PIGQ: variants seen among roughly 807,000 people sequenced by gnomAD.
The protein encoded by PIGQ is phosphatidylinositol N-acetylglucosaminyltransferase subunit Q.
A neutral mutation model predicts 60.3 loss-of-function variants in PIGQ; 54 were observed. The observed-to-expected ratio is 0.90, with a 90% CI of 0.72 to 1.12. The LOEUF (loss-of-function observed/expected upper bound fraction) is 1.12, where lower values mean the gene tolerates loss of function less well. PIGQ is among the 50% of genes most tolerant of loss of function. The probability of loss-of-function intolerance (pLI) is 0.00; values close to 1 mark genes in which losing one functional copy is unlikely to be tolerated. For synonymous variants in PIGQ, 416 were observed against 363.7 expected (o/e 1.14, Z -1.64); for missense variants, 799 against 793.5 (o/e 1.01, Z -0.08).
At chr16:580,720 C>T (rs762074177) in intron 8 of PIGQ, 138 bp from the exon 9 acceptor site, 1 of 678,186 alleles carries the variant, frequency 1.5e-6, no homozygotes, top group Non-Finnish European at 2.7e-6. Flanking sequence ...ACTCCGTGCC[C>T]TGCTCAGGGT....
intron 10 of PIGQ, 192 bp from the exon 11 acceptor site, chr16:582,691 G>C (rs2035832378): frequency 1.0e-5 from 7 of 675,960 alleles, no homozygotes; most frequent in Middle Eastern, 8.4e-4. Context: ...TGCAGCTTCT[G>C]CCTCCCCCCA....
chr16:575,403 A>T (rs1326558309), intron 2 of PIGQ, among the ~76,000 whole-genome samples: 1 of 152,168 alleles, frequency 6.6e-6, no homozygotes, highest in African/African-American at 2.4e-5. Context: ...GGGAGCAGCT[A>T]GGGGTCACCT....
chr16:571,894 C>CT (rs11403474), intron 1 of PIGQ, among the ~76,000 whole-genome samples: 59,962 of 148,038 alleles, frequency 0.41, 12,447 homozygotes, highest in East Asian at 0.63. Context: ...ACACAAGGCA[C>CT]TTTTTTTTTT....
Position 574,369 on chromosome 16 carries a change from G to A in PIGQ, c.295G>A (p.Glu99Lys), listed in dbSNP as rs200383861. ...TGAGCCCTGGCTGCGGCTGTGCCGG[G>A]AGAGAGGCGGCACGTTCTGGAGCTG... ...PHEPWLRLCR[E>K]RGGTFWSCEA... Residue 99 changes from glutamate (E) to lysine (K), a missense_variant, in exon 2 of 11, where the codon GAG (glutamate) becomes AAG (lysine). Physicochemically the swap from Glu to Lys is moderately conservative, Grantham distance 56. Coordinates refer to ENST00000321878, the MANE Select transcript of PIGQ (RefSeq NM_004204.5). 35 of 1,610,278 alleles carry A rather than the reference G, an allele frequency of 2.2e-5. No individual in the cohort carries two copies. Among genetic ancestry groups the A allele is most frequent in the Non-Finnish European group, 2.8e-5 (33 of 1,179,408 alleles).
chr16:574,295 A>AGGAGAGCCTGGGCCGCTTCCT lies in PIGQ; in HGVS notation c.234_254dup (p.Arg79_Gly85dup). 1 of 1,606,476 alleles carries AGGAGAGCCTGGGCCGCTTCCT rather than the reference A, an allele frequency of 6.2e-7. No homozygotes were observed. The highest frequency in any genetic ancestry group is 8.5e-7 in the Non-Finnish European group (1 of 1,179,008). ...TGGTGCCACTGCCGGCAGGAGCCCG[A>AGGAGAGCCTGGGCCGCTTCCT]GGAGAGCCTGGGCCGCTTCCTGGAG... On this transcript the variant is annotated inframe_insertion, in exon 2 of 11. Transcript: ENST00000321878.
chr16:580,672 C>T lies in PIGQ; in HGVS notation c.1417-186C>T, dbSNP rs963670675. On this transcript the variant is annotated intron_variant, in intron 8 of 10. Coordinates refer to ENST00000321878, the MANE Select transcript of PIGQ (RefSeq NM_004204.5). ...GACCTGGTGAGAGGGCCGGGTGCTCCGCCTCCAGCTTTGCTCCAGAGCAAG... is the reference window on the plus strand; with the variant it reads ...GACCTGGTGAGAGGGCCGGGTGCTCTGCCTCCAGCTTTGCTCCAGAGCAAG... 5.4e-5 allele frequency: 33 copies of T among 616,326 alleles called. 1 individual carries two copies. The highest frequency in any genetic ancestry group is 3.2e-4 in the South Asian group (17 of 53,054). 38.2% of individuals were successfully genotyped at this position (616,326 alleles called of 1,614,324 possible).
chr16:578,692 C>A, intron 5 of PIGQ, 93 bp from the exon 6 acceptor site: 1 of 1,497,668 alleles, frequency 6.7e-7, no homozygotes. Flanking sequence ...CCCTGCCAGG[C>A]TACACGCACC....
Position 574,684 on chromosome 16 carries a change from C to A in PIGQ, c.610C>A (p.Leu204Met). The A allele has an allele frequency of 1.2e-6, 2 of 1,605,030 alleles. No homozygotes were observed. Among genetic ancestry groups the A allele is most frequent in the Non-Finnish European group, 1.7e-6 (2 of 1,179,032 alleles). The change falls in exon 2 of 11, where the codon CTG (leucine) becomes ATG (methionine). Residue 204 changes from leucine to methionine, a missense_variant. Transcript: ENST00000321878. Reference protein sequence around the residue: ...EGVEASILAELARRASGPICL... With the variant: ...EGVEASILAEMARRASGPICL... ...CGTGGAGGCCAGCATCCTCGCGGAGCTGGCCAGGCGAGCCTCGGGACCCAT... is the reference window on the plus strand; with the variant it reads ...CGTGGAGGCCAGCATCCTCGCGGAGATGGCCAGGCGAGCCTCGGGACCCAT...
intron 8 of PIGQ, 32 bp downstream of exon 8, chr16:580,295 T>C (rs1249452370): frequency 1.3e-6 from 2 of 1,525,156 alleles, no homozygotes; most frequent in South Asian, 2.3e-5. Flanking sequence ...TGGGCCTGGC[T>C]GCAGTGCTCT....
chr16:577,230 C>T (rs1047395521), intron 4 of PIGQ: 9 of 152,204 alleles, frequency 5.9e-5, no homozygotes, highest in Non-Finnish European at 1.0e-4. Flanking sequence ...AAAGTCTCTT[C>T]CTGCTGCCAA....
Position 579,098 on chromosome 16 carries a change from C to G in PIGQ, c.1253C>G (p.Ser418Cys), listed in dbSNP as rs144619714. The G allele has an allele frequency of 1.3e-4, 209 of 1,612,864 alleles. No homozygotes were observed. In the African/African-American group the frequency reaches 2.6e-3, roughly 20 times the overall value. Reference protein sequence around the residue: ...RLYCLKIHGLSSLWRLFRGKK... With the variant: ...RLYCLKIHGLCSLWRLFRGKK... ...TACTGCCTGAAGATCCATGGCCTGT[C>G]CTCACTGTGGCGTCTGTTCCGGGGG... The change falls in exon 7 of 11, where the codon TCC (serine) becomes TGC (cysteine). Residue 418 changes from serine to cysteine, a missense_variant. Ser to Cys is a moderately radical substitution (Grantham distance 112). Coordinates refer to ENST00000321878, the MANE Select transcript of PIGQ (RefSeq NM_004204.5).
chr16:583,651 C>G lies in PIGQ; in HGVS notation c.*616C>G, dbSNP rs752957801. On this transcript the variant is annotated 3_prime_UTR_variant, in exon 11 of 11. Coordinates refer to ENST00000321878, the MANE Select transcript of PIGQ (RefSeq NM_004204.5). ...GCTTTGTGAAGAAACCATCAGCAGG[C>G]TGTGAGCATCGCCAGGCTGCTGTGG... 1.2e-6 allele frequency: 2 copies of G among 1,612,076 alleles called. No individual in the cohort carries two copies. Among genetic ancestry groups the G allele is most frequent in the Admixed American group, 1.7e-5 (1 of 60,000 alleles).
chr16:579,375 G>A, intron 7 of PIGQ, 195 bp downstream of exon 7: 3 of 601,010 alleles, frequency 5.0e-6, no homozygotes, highest in Non-Finnish European at 8.9e-6. Context: ...AGCTTCCCTG[G>A]GCCACAGAGA....
At chr16:578,118 A>T in intron 4 of PIGQ, 1 of 410,776 alleles carries the variant, frequency 2.4e-6, no homozygotes, top group Non-Finnish European at 4.5e-6. Flanking sequence ...AGGTGGGTGC[A>T]GGCAGGGGGC....
Position 574,116 on chromosome 16 carries a change from G to A in PIGQ, c.42G>A (p.Thr14=), listed in dbSNP as rs747087089. 22 of 1,610,482 alleles carry A rather than the reference G, an allele frequency of 1.4e-5. No homozygotes were observed. The highest frequency in any genetic ancestry group is 4.0e-5 in the African/African-American group (3 of 74,894). Residue 14 remains threonine (T), a synonymous_variant, in exon 2 of 11, where the codon ACG becomes ACA. Transcript: ENST00000321878. ...TCTTCCCCACGTGCTGCGTCTCGAC[G>A]GACAGCGGGCTGCTGGTGGGACGGT... is the stretch of plus-strand genomic sequence containing the variant. ...KAFFPTCCVS[T]DSGLLVGRWV... is the part of the protein sequence containing the mutation.
chr16:582,206 G>C lies in PIGQ; in HGVS notation c.1532-42G>C, dbSNP rs767792590. 3 of 1,416,022 alleles carry C rather than the reference G, an allele frequency of 2.1e-6. No homozygotes were observed. In the Admixed American group the frequency reaches 5.6e-5, roughly 26 times the overall value. 87.7% of individuals were successfully genotyped at this position (1,416,022 alleles called of 1,614,324 possible). A position where few individuals can be genotyped will look rare whatever the true frequency, so the allele number is the denominator to read the frequency against. On this transcript the variant is annotated intron_variant, in intron 9 of 10. Transcript: ENST00000321878. ...CAGCCTCTGCTCATGTGTGGGGCCA[G>C]CCCCCACGCGTCCCCTCGTCAGCCG...
At chr16:577,195 A>C (rs2035730948) in intron 4 of PIGQ, 1 of 152,196 alleles carries the variant, frequency 6.6e-6, no homozygotes, top group Non-Finnish European at 1.5e-5. Context: ...AGTGCTCAGA[A>C]ATATAAATAT....
Position 578,410 on chromosome 16 carries a change from A to G in PIGQ, c.974A>G (p.Gln325Arg). ...GCCGAGGAGCTCCAGCATCTGCTGC[A>G]GTGGCTGATGGGTGCTCCCGCCGGG... ...HVAEELQHLL[Q>R]WLMGAPAGLK... Residue 325 changes from glutamine (Q) to arginine (R), a missense_variant, in exon 5 of 11, where the codon CAG becomes CGG. Coordinates refer to ENST00000321878, the MANE Select transcript of PIGQ (RefSeq NM_004204.5). 6.2e-7 allele frequency: 1 copy of G among 1,612,050 alleles called. No homozygotes were observed. Among genetic ancestry groups the G allele is most frequent in the South Asian group, 1.1e-5 (1 of 91,074 alleles).
At chr16:578,630 G>A (rs1345962321) in intron 5 of PIGQ, 125 bp downstream of exon 5, 13 of 1,400,126 alleles carry the variant, frequency 9.3e-6, no homozygotes, top group South Asian at 1.3e-5. Context: ...TGTGAGGCCT[G>A]CTGTGCTCAG....
Sources: allele counts gnomAD v4.1 joint callset (sites outside exome capture counted in the v4.1 genomes callset), GRCh38; gene constraint gnomAD v4.1.1; transcripts MANE v1.5; gene names NCBI Gene and HGNC (gene_info 2026-07-23, HGNC 2026-07-21).